ADAM7: variants seen among roughly 807,000 people sequenced by gnomAD.
ADAM7 encodes ADAM metallopeptidase domain 7.
A neutral mutation model predicts 102.9 loss-of-function variants in ADAM7; 97 were observed. The observed-to-expected ratio is 0.94, with a 90% confidence interval of 0.80 to 1.12. The LOEUF (loss-of-function observed/expected upper bound fraction) is 1.12. Among genes scored for constraint, ADAM7 ranks in the 50% most tolerant of loss-of-function variants. The probability of loss-of-function intolerance (pLI) is 0.00; values close to 1 mark genes in which losing one functional copy is unlikely to be tolerated. For synonymous variants in ADAM7, 334 were observed against 304.4 expected (o/e 1.10, Z -1.01); for missense variants, 991 against 908.7 (o/e 1.09, Z -1.16).
chr8:24,446,591 C>T (rs1390085950), intron 2 of ADAM7, among the ~76,000 whole-genome samples: 1 of 151,908 alleles, frequency 6.6e-6, no homozygotes, highest in Non-Finnish European at 1.5e-5. Flanking sequence ...AAGTTTCACT[C>T]ACATTGTGCT....
At chr8:24,453,334 G>A (rs1398081732) in intron 3 of ADAM7, among the ~76,000 whole-genome samples, 2 of 152,038 alleles carry the variant, frequency 1.3e-5, no homozygotes, top group East Asian at 3.9e-4. Context: ...ATATTTCTTG[G>A]AGGCTTTGCT....
intron 8 of ADAM7, among the ~76,000 whole-genome samples, chr8:24,477,032 A>G (rs1428373014): frequency 6.6e-6 from 1 of 152,206 alleles, no homozygotes; most frequent in Non-Finnish European, 1.5e-5. Flanking sequence ...TATTACTAGG[A>G]TAAAGAGACC....
At chr8:24,448,510 G>GC (rs1818651429) in intron 3 of ADAM7, among the ~76,000 whole-genome samples, 2 of 152,060 alleles carry the variant, frequency 1.3e-5, no homozygotes, top group African/African-American at 4.8e-5. Flanking sequence ...ATACCACAGA[G>GC]CCTCTAAATC....
intron 19 of ADAM7, among the ~76,000 whole-genome samples, chr8:24,501,172 T>C (rs541353126): frequency 6.6e-6 from 1 of 152,252 alleles, no homozygotes; most frequent in East Asian, 1.9e-4. Context: ...GGGTATGACT[T>C]GAGCATTAGT....
chr8:24,462,693 T>C (rs1453321333), intron 3 of ADAM7, among the ~76,000 whole-genome samples: 1 of 152,222 alleles, frequency 6.6e-6, no homozygotes, highest in Non-Finnish European at 1.5e-5. Flanking sequence ...TATTCAGCCA[T>C]AGGAGGAATG....
At chr8:24,463,219 C>T (rs1217601232) in intron 3 of ADAM7, among the ~76,000 whole-genome samples, 1 of 152,100 alleles carries the variant, frequency 6.6e-6, no homozygotes, top group East Asian at 1.9e-4. Flanking sequence ...TTTTGAAGAA[C>T]TTCTAGAAGA....
At chr8:24,488,131 C>T (rs55925129) in intron 11 of ADAM7, among the ~76,000 whole-genome samples, 10,645 of 152,246 alleles carry the variant, frequency 0.07, 465 homozygotes, top group Admixed American at 0.11. Context: ...ATGCATTCAG[C>T]TTATTTATAA....
intron 3 of ADAM7, among the ~76,000 whole-genome samples, chr8:24,459,993 CA>C (rs1819183148): frequency 6.6e-6 from 1 of 151,862 alleles, no homozygotes; most frequent in South Asian, 2.1e-4. Flanking sequence ...TCATTCATTT[CA>C]AAATATTTGA....
intron 3 of ADAM7, among the ~76,000 whole-genome samples, chr8:24,459,456 A>G (rs768970064): frequency 4.8e-4 from 73 of 150,522 alleles, no homozygotes; most frequent in Non-Finnish European, 8.6e-4. Context: ...ATTTATTTTT[A>G]TTTTTTGTTT....
chr8:24,482,086 T>C (rs1410665999), intron 8 of ADAM7, 56 bp from the exon 9 acceptor site: 4 of 1,291,444 alleles, frequency 3.1e-6, no homozygotes, highest in African/African-American at 1.5e-5. Context: ...TATAGTAATA[T>C]TGAAGACTGT....
At chr8:24,491,237 A>C (rs529936432) in intron 13 of ADAM7, among the ~76,000 whole-genome samples, 1 of 152,332 alleles carries the variant, frequency 6.6e-6, no homozygotes, top group East Asian at 1.9e-4. Flanking sequence ...TTATATTAGC[A>C]TTGGAAAGTG....
rs1439555096 is a variant in ADAM7, at chr8:24,485,361, G to A, written c.960G>A (p.Lys320=). 6.2e-7 allele frequency: 1 copy of A among 1,611,884 alleles called. No homozygotes were observed. Among genetic ancestry groups the A allele is most frequent in the Non-Finnish European group, 8.5e-7 (1 of 1,178,930 alleles). Residue 320 remains lysine (K), a splice_region_variant and synonymous_variant, in exon 10 of 22, where the codon AAG becomes AAA. Transcript: ENST00000175238. The part of the protein sequence containing the change: ...CLPYYSTSII[K]DLLPDTNIIA... ...CCTATTATTCCACCAGTATCATTAAGGTGGGCTGTGTTTTATTTATATTAC... is the reference window on the plus strand; with the variant it reads ...CCTATTATTCCACCAGTATCATTAAAGTGGGCTGTGTTTTATTTATATTAC...
Position 24,490,904 on chromosome 8 carries a change from A to C in ADAM7, c.1356+16A>C, listed in dbSNP as rs367908505. On this transcript the variant is annotated intron_variant, in intron 13 of 21. Coordinates refer to ENST00000175238, the MANE Select transcript of ADAM7 (RefSeq NM_003817.4). The stretch of plus-strand genomic sequence containing the variant: ...ATCTTGTCAGGTAAGGTCATGTGCC[A>C]GGAGAAGGTTTTTTTTTTTCAGTTT... 2 of 1,600,760 alleles carry C rather than the reference A, an allele frequency of 1.2e-6. No individual in the cohort carries two copies. The highest frequency in any genetic ancestry group is 1.7e-6 in the Non-Finnish European group (2 of 1,175,826).
In ADAM7 at chr8:24,441,144, C is replaced by T. The variant is rs1585838773; in HGVS notation, c.36C>T (p.Leu12=). 6.2e-7 allele frequency: 1 copy of T among 1,613,572 alleles called. No homozygotes were observed. Among genetic ancestry groups the T allele is most frequent in the Non-Finnish European group, 8.5e-7 (1 of 1,179,484 alleles). The part of the protein sequence containing the change: ...LPGCIFLMIL[L]IPQVKEKFIL... Reference sequence around the variant, plus strand: ...GGTGTATATTCTTGATGATTTTACTCATTCCTCAGGTTAAAGGTATGTCTT... The same window carrying T: ...GGTGTATATTCTTGATGATTTTACTTATTCCTCAGGTTAAAGGTATGTCTT... The change falls in exon 1 of 22, where the codon CTC becomes CTT. Residue 12 remains leucine (L), a synonymous_variant. Transcript: ENST00000175238.
At chr8:24,453,578 T>A (rs1818884585) in intron 3 of ADAM7, among the ~76,000 whole-genome samples, 1 of 152,228 alleles carries the variant, frequency 6.6e-6, no homozygotes, top group South Asian at 2.1e-4. Flanking sequence ...GTTTTTAACT[T>A]CTTTGCCTTT....
intron 1 of ADAM7, 75 bp downstream of exon 1, chr8:24,441,235 C>T (rs2129370413): frequency 7.1e-7 from 1 of 1,405,240 alleles, no homozygotes; most frequent in Non-Finnish European, 1.0e-6. Flanking sequence ...AAACTTTAAA[C>T]TGTAAGTGAT....
Position 24,500,231 on chromosome 8 carries a change from CTGTG to C in ADAM7, c.1978_1981del (p.Cys660LysfsTer29), listed in dbSNP as rs1820709642. The C allele has an allele frequency of 1.2e-6, 2 of 1,611,608 alleles. No individual in the cohort carries two copies. Among genetic ancestry groups the C allele is most frequent in the African/African-American group, 2.7e-5 (2 of 74,852 alleles). ...GTGAGGAAGGACAGGCACCTGTAGC[CTGTG>C]AAGAAACCTTACATGTTACCAGTGA... On this transcript the variant is annotated frameshift_variant, in exon 18 of 22. Coordinates refer to ENST00000175238, the MANE Select transcript of ADAM7 (RefSeq NM_003817.4). LOFTEE classifies it high-confidence loss of function.
At chr8:24,475,856 G>C in intron 7 of ADAM7, 1 of 451,232 alleles carries the variant, frequency 2.2e-6, no homozygotes, top group Non-Finnish European at 4.4e-6. Context: ...AGGGAATGCA[G>C]TTATAAGGAG....
Position 24,506,196 on chromosome 8 carries a change from C to G in ADAM7, c.2209-1284C>G, listed in dbSNP as rs529289310. 177 of 1,405,482 alleles carry G rather than the reference C, an allele frequency of 1.3e-4. 2 individuals are homozygous for G. The African/African-American group carries it at 2.1e-3, about 17-fold the overall frequency. The allele number at this position is 1,405,482 out of a possible 1,614,324, so 87.1% of individuals were successfully genotyped here. On this transcript the variant is annotated intron_variant, in intron 20 of 21. Coordinates refer to ENST00000175238, the MANE Select transcript of ADAM7 (RefSeq NM_003817.4). Reference sequence around the variant, plus strand: ...CCTTCCTCTTGGTGGTGGGCTATGTCCTTTCCAATAATAATTTTCATGAAA... The same window carrying G: ...CCTTCCTCTTGGTGGTGGGCTATGTGCTTTCCAATAATAATTTTCATGAAA...
Sources: allele counts gnomAD v4.1 joint callset (sites outside exome capture counted in the v4.1 genomes callset), GRCh38; gene constraint gnomAD v4.1.1; transcripts MANE v1.5; gene names NCBI Gene and HGNC (gene_info 2026-07-23, HGNC 2026-07-21).